AFF4: variants seen among roughly 807,000 people sequenced by gnomAD.
The protein encoded by AFF4 is ALF transcription elongation factor 4.
In AFF4, 13 loss-of-function variants were observed where a neutral mutation model predicts 124.8. The ratio of observed to expected loss-of-function variants is 0.10; its 90% CI spans 0.07 to 0.17. The LOEUF (loss-of-function observed/expected upper bound fraction) is 0.17. AFF4 is among the 10% of genes least tolerant of loss of function. AFF4 has a pLI of 1.00. For missense variants in AFF4, 1,092 were observed against 1,403.8 expected (o/e 0.78, Z 3.55); for synonymous variants, 477 against 496.1 (o/e 0.96, Z 0.51).
chr5:132,928,216 T>A (rs1347923035), intron 4 of AFF4, among the ~76,000 whole-genome samples: 14 of 147,030 alleles, frequency 9.5e-5, no homozygotes, highest in African/African-American at 2.0e-4. Context: ...TTTATATATT[T>A]AAAAAAAAAC....
At chr5:132,932,975 A>C (rs2150097246) in intron 3 of AFF4, among the ~76,000 whole-genome samples, 1 of 152,354 alleles carries the variant, frequency 6.6e-6, no homozygotes, top group East Asian at 1.9e-4. Context: ...AAGATGTTTT[A>C]AATGTTTGCA....
intron 5 of AFF4, among the ~76,000 whole-genome samples, chr5:132,910,353 G>T (rs924263140): frequency 2.0e-5 from 3 of 152,128 alleles, no homozygotes; most frequent in African/African-American, 7.2e-5. Context: ...ACTCGTCAAT[G>T]GTGTGAAGTG....
At chr5:132,952,850 A>C (rs746462222) in intron 1 of AFF4, among the ~76,000 whole-genome samples, 1 of 152,142 alleles carries the variant, frequency 6.6e-6, no homozygotes. Flanking sequence ...ATGAGCCAAG[A>C]TCGTACCACT....
intron 1 of AFF4, among the ~76,000 whole-genome samples, chr5:132,955,602 C>T (rs1395801344): frequency 6.6e-6 from 1 of 151,308 alleles, no homozygotes; most frequent in Non-Finnish European, 1.5e-5. Flanking sequence ...CATGGTGAAA[C>T]CCCCATCTCT....
At chr5:132,883,665 C>G in intron 19 of AFF4, 105 bp from the exon 20 acceptor site, 3 of 1,002,610 alleles carry the variant, frequency 3.0e-6, no homozygotes, top group Non-Finnish European at 4.4e-6. Flanking sequence ...TGTAAAGATT[C>G]TCTTAAACTA....
chr5:132,914,268 T>A (rs1046813262), intron 5 of AFF4, among the ~76,000 whole-genome samples: 3 of 150,082 alleles, frequency 2.0e-5, no homozygotes, highest in African/African-American at 7.4e-5. Context: ...AAGAAAAATC[T>A]CAATTAAATG....
At chr5:132,888,045 T>G (rs534191735) in intron 15 of AFF4, 52 bp downstream of exon 15, 1 of 1,606,078 alleles carries the variant, frequency 6.2e-7, no homozygotes, top group East Asian at 2.2e-5. Context: ...ATCAGAAGAT[T>G]ACTTAAGTTA....
intron 5 of AFF4, among the ~76,000 whole-genome samples, chr5:132,918,612 C>T (rs1760970630): frequency 6.6e-6 from 1 of 152,030 alleles, no homozygotes; most frequent in Non-Finnish European, 1.5e-5. Flanking sequence ...CACTGAGCAC[C>T]ACTGTACTCC....
Position 132,934,367 on chromosome 5 carries a change from T to C in AFF4, c.698A>G (p.His233Arg), listed in dbSNP as rs1761370041. Residue 233 changes from histidine (H) to arginine (R), a missense_variant, in exon 3 of 21, where the codon CAC (histidine) becomes CGC (arginine). Coordinates refer to ENST00000265343, the MANE Select transcript of AFF4 (RefSeq NM_014423.4). ...TGAGGGTGGGAAAGATTGAGTTGAG[T>C]GCTGCCCACTTGAAAAAGGTACACG... is the stretch of plus-strand genomic sequence containing the variant. ...PSRVPFSSGQ[H>R]STQSFPPSLM... The C allele has an allele frequency of 6.2e-7, 1 of 1,614,136 alleles. No individual in the cohort carries two copies. Among genetic ancestry groups the C allele is most frequent in the Non-Finnish European group, 8.5e-7 (1 of 1,180,020 alleles).
chr5:132,895,490 G>T (rs1286551497), intron 11 of AFF4, among the ~76,000 whole-genome samples: 1 of 152,150 alleles, frequency 6.6e-6, no homozygotes, highest in East Asian at 1.9e-4. Context: ...ACTTGGTAAG[G>T]CCATTCTGGT....
At chr5:132,897,265 C>CT in intron 10 of AFF4, 25 bp from the exon 11 acceptor site, 2 of 1,597,752 alleles carry the variant, frequency 1.3e-6, no homozygotes, top group South Asian at 1.1e-5. Context: ...AATATGTATG[C>CT]TTTTTTCGAT....
chr5:132,919,803 T>C (rs1219266915), intron 5 of AFF4, among the ~76,000 whole-genome samples: 1 of 151,848 alleles, frequency 6.6e-6, no homozygotes, highest in African/African-American at 2.4e-5. Flanking sequence ...TGAGCCAAGA[T>C]CACACCACTG....
chr5:132,892,625 C>T (rs1489768007), intron 12 of AFF4, among the ~76,000 whole-genome samples: 2 of 152,122 alleles, frequency 1.3e-5, no homozygotes, highest in Non-Finnish European at 2.9e-5. Context: ...CAAAAACTGA[C>T]CTACCACTCA....
intron 5 of AFF4, chr5:132,926,176 T>C (rs1352189574): frequency 2.3e-6 from 1 of 440,534 alleles, no homozygotes; most frequent in Non-Finnish European, 4.5e-6. Context: ...GTAATGATTA[T>C]ATATGTATTA....
intron 1 of AFF4, among the ~76,000 whole-genome samples, chr5:132,949,835 G>A (rs1334430231): frequency 2.1e-5 from 3 of 141,120 alleles, no homozygotes; most frequent in Non-Finnish European, 3.0e-5. Flanking sequence ...GCACTAGAGC[G>A]AGACTCTGTC....
At chr5:132,949,872 A>G (rs1218268746) in intron 1 of AFF4, among the ~76,000 whole-genome samples, 1 of 151,600 alleles carries the variant, frequency 6.6e-6, no homozygotes, top group Non-Finnish European at 1.5e-5. Context: ...AAAAAAGTAA[A>G]AATTAGCCAG....
In AFF4 at chr5:132,893,012, C is replaced by T; in HGVS notation, c.2396+18G>A. Reference sequence around the variant, plus strand: ...ATATATTAACAACACTGGCATGCAACATGTTTTGGGAACGTACTCTCTGTT... The same window carrying T: ...ATATATTAACAACACTGGCATGCAATATGTTTTGGGAACGTACTCTCTGTT... On this transcript the variant is annotated intron_variant, in intron 12 of 20. Transcript: ENST00000265343. 1 of 1,610,750 alleles carries T rather than the reference C, an allele frequency of 6.2e-7. No individual in the cohort carries two copies. Among genetic ancestry groups the T allele is most frequent in the Non-Finnish European group, 8.5e-7 (1 of 1,177,024 alleles).
intron 1 of AFF4, among the ~76,000 whole-genome samples, chr5:132,952,430 T>C (rs182863793): frequency 2.0e-5 from 3 of 152,356 alleles, no homozygotes; most frequent in Non-Finnish European, 1.5e-5. Context: ...TATCTCTCCT[T>C]GATATACTCT....
chr5:132,946,520 A>G (rs1761700173), intron 1 of AFF4, among the ~76,000 whole-genome samples: 1 of 152,258 alleles, frequency 6.6e-6, no homozygotes, highest in Non-Finnish European at 1.5e-5. Context: ...AAATTCTGAT[A>G]CATGCTACAA....
Sources: gnomAD v4.1 joint callset for allele counts (sites outside exome capture counted in the v4.1 genomes callset) on GRCh38, gnomAD v4.1.1 for gene constraint, MANE v1.5 for transcripts, NCBI Gene and HGNC (gene_info 2026-07-23, HGNC 2026-07-21) for gene names.